The following LTA4H variants were observed in gnomAD, a reference collection of about 807,000 sequenced individuals.
LTA4H encodes the protein leukotriene A-4 hydrolase.
A neutral mutation model predicts 89.8 loss-of-function variants in LTA4H; 59 were observed. The observed-to-expected ratio is 0.66, with a 90% CI of 0.53 to 0.82. The LOEUF (loss-of-function observed/expected upper bound fraction) is 0.82, where lower values mean the gene tolerates loss of function less well. Ranked by LOEUF, LTA4H falls within the 40% of genes least tolerant of loss-of-function variation. The probability of loss-of-function intolerance (pLI) is 0.00; values close to 1 mark genes in which losing one functional copy is unlikely to be tolerated. For synonymous variants in LTA4H, 227 were observed against 253.1 expected, an observed-to-expected ratio of 0.90 and a Z score of 0.98; for missense variants, 617 against 727.0, an observed-to-expected ratio of 0.85 and a Z score of 1.74.
intron 1 of LTA4H, among the ~76,000 whole-genome samples, chr12:96,031,214 A>C (rs1950568088): frequency 6.6e-6 from 1 of 152,304 alleles, no homozygotes; most frequent in East Asian, 1.9e-4. Context: ...CCATTAGACT[A>C]AGGGTTCTAA....
chr12:96,015,370 C>A (rs955118726), intron 11 of LTA4H, among the ~76,000 whole-genome samples: 5 of 152,190 alleles, frequency 3.3e-5, no homozygotes, highest in African/African-American at 7.2e-5. Flanking sequence ...TGAGGTCCCA[C>A]AGCTCCCTAT....
chr12:96,036,865 G>T (rs907905339), upstream of LTA4H, among the ~76,000 whole-genome samples: 7 of 152,188 alleles, frequency 4.6e-5, no homozygotes, highest in African/African-American at 1.7e-4. Flanking sequence ...CTTCCAGGTA[G>T]GCCTCAGGAA....
chr12:96,017,782 T>C (rs371418580), intron 8 of LTA4H, among the ~76,000 whole-genome samples: 180 of 152,360 alleles, frequency 1.2e-3, no homozygotes, highest in African/African-American at 3.8e-3. Context: ...TTTCTTGCCC[T>C]AATTCTAGGG....
In LTA4H at chr12:96,002,955, C is replaced by T. The variant is rs1378726950; in HGVS notation, c.1718+5G>A. The T allele has an allele frequency of 1.3e-6, 2 of 1,585,534 alleles. No homozygotes were observed. Among genetic ancestry groups the T allele is most frequent in the East Asian group, 2.2e-5 (1 of 44,446 alleles). On this transcript the variant is annotated splice_donor_5th_base_variant and intron_variant, in intron 18 of 18. Transcript: ENST00000228740. ...ATTCAAAGTACGGTCTGAGTGGGTT[C>T]TTACTTGAATAAGGGCCGGGTAAAC... is the stretch of plus-strand genomic sequence containing the variant.
chr12:96,016,792 T>G (rs1388599305), intron 10 of LTA4H, among the ~76,000 whole-genome samples: 1 of 151,614 alleles, frequency 6.6e-6, no homozygotes, highest in Non-Finnish European at 1.5e-5. Flanking sequence ...TCCCAGCTAC[T>G]CGGGAGGCTG....
chr12:96,015,503 T>A, intron 11 of LTA4H, 80 bp downstream of exon 11: 1 of 1,001,540 alleles, frequency 1.0e-6, no homozygotes, highest in South Asian at 1.4e-5. Flanking sequence ...TGCTACACAG[T>A]AAAGACGCTT....
intron 6 of LTA4H, 149 bp from the exon 7 acceptor site, chr12:96,019,389 G>A (rs1206190813): frequency 1.6e-6 from 1 of 640,012 alleles, no homozygotes; most frequent in Non-Finnish European, 2.7e-6. Context: ...TACATGGCGT[G>A]AGCTGCAAAC....
rs941049899 is a variant in LTA4H, at chr12:96,001,679, G to A, written c.1719-573C>T. Among the ~76,000 whole-genome samples, 13 of 152,034 alleles carry A rather than the reference G, an allele frequency of 8.6e-5. No individual in the cohort carries two copies. The South Asian group carries it at 1.2e-3, about 15-fold the overall frequency. On this transcript the variant is annotated intron_variant, in intron 18 of 18. Transcript: ENST00000228740. ...ATTGAGAATAAAAGTCCTGACCACAGTGAAATAATAAATACATAATAAATA... is the reference window on the plus strand; with the variant it reads ...ATTGAGAATAAAAGTCCTGACCACAATGAAATAATAAATACATAATAAATA...
intron 16 of LTA4H, among the ~76,000 whole-genome samples, chr12:96,004,643 A>G (rs556975831): frequency 9.9e-5 from 15 of 152,272 alleles, no homozygotes; most frequent in Admixed American, 9.2e-4. Context: ...CTCTAGGTAG[A>G]TGATAACTCT....
chr12:96,001,519 A>G (rs909735929), intron 18 of LTA4H, among the ~76,000 whole-genome samples: 2 of 152,186 alleles, frequency 1.3e-5, no homozygotes, highest in Non-Finnish European at 2.9e-5. Context: ...TCCTGGCTAA[A>G]TATCAGCCCT....
intron 4 of LTA4H, among the ~76,000 whole-genome samples, chr12:96,023,700 C>G (rs1950480080): frequency 6.6e-6 from 1 of 152,040 alleles, no homozygotes; most frequent in Admixed American, 6.6e-5. Context: ...TAATTACAGT[C>G]CGCCTTTTCC....
chr12:96,012,939 C>A, intron 14 of LTA4H: 1 of 423,158 alleles, frequency 2.4e-6, no homozygotes, highest in Non-Finnish European at 4.3e-6. Context: ...GATACAATAG[C>A]TTATTGTCTA....
chr12:96,017,619 G>A (rs12049939), intron 8 of LTA4H, 39 bp from the exon 9 acceptor site: 77,193 of 1,499,354 alleles, frequency 0.051, 2,287 homozygotes, highest in African/African-American at 0.1. Flanking sequence ...TTTAGTAATC[G>A]AATTACAGAC....
At chr12:96,006,249 G>T in intron 16 of LTA4H, 65 bp downstream of exon 16, 2 of 929,452 alleles carry the variant, frequency 2.2e-6, no homozygotes, top group Non-Finnish European at 1.7e-6. Context: ...TGCCAAGTTG[G>T]GTAGAACATA....
At chr12:96,026,708 G>T (rs1014149622) in intron 3 of LTA4H, among the ~76,000 whole-genome samples, 1 of 152,206 alleles carries the variant, frequency 6.6e-6, no homozygotes, top group Non-Finnish European at 1.5e-5. Context: ...TATTGGGAGG[G>T]ATGAAACATG....
intron 18 of LTA4H, among the ~76,000 whole-genome samples, chr12:96,002,146 C>T (rs761939964): frequency 5.9e-5 from 9 of 152,286 alleles, no homozygotes; most frequent in South Asian, 2.1e-4. Flanking sequence ...CGTGAGCCAC[C>T]GCGCCCGGCC....
chr12:96,016,231 T>A (rs1950371752), intron 10 of LTA4H, among the ~76,000 whole-genome samples: 2 of 149,664 alleles, frequency 1.3e-5, no homozygotes, highest in African/African-American at 5.0e-5. Flanking sequence ...CAAGAATTGC[T>A]TGAACTGAGA....
chr12:96,016,883 G>A (rs987905612), intron 10 of LTA4H, among the ~76,000 whole-genome samples, 161 bp downstream of exon 10: 2 of 150,454 alleles, frequency 1.3e-5, no homozygotes, highest in African/African-American at 4.9e-5. Flanking sequence ...CTGAGTGACA[G>A]AGTGAGACTC....
At chr12:96,024,113 T>A (rs1434039338) in intron 4 of LTA4H, among the ~76,000 whole-genome samples, 2 of 151,960 alleles carry the variant, frequency 1.3e-5, no homozygotes, top group Admixed American at 6.5e-5. Context: ...GTGTTTTTTT[T>A]AGTACAGATG....
Sources: gnomAD v4.1 joint callset for allele counts (sites outside exome capture counted in the v4.1 genomes callset) on GRCh38, gnomAD v4.1.1 for gene constraint, MANE v1.5 for transcripts, NCBI Gene and HGNC (gene_info 2026-07-23, HGNC 2026-07-21) for gene names.